Variants in GLT8D2 observed in about 807,000 individuals in gnomAD.
GLT8D2 encodes the protein glycosyltransferase 8 domain-containing protein 2.
A neutral mutation model predicts 44.5 loss-of-function variants in GLT8D2; 45 were observed. The observed-to-expected ratio is 1.01, with a 90% CI of 0.80 to 1.30. The LOEUF (loss-of-function observed/expected upper bound fraction) is 1.30. Ranked by LOEUF, GLT8D2 falls within the 50% of genes most tolerant of loss-of-function variation. The probability of loss-of-function intolerance (pLI) is 0.00; values close to 1 mark genes in which losing one functional copy is unlikely to be tolerated. For missense variants in GLT8D2, 400 were observed against 430.4 expected (o/e 0.93, Z 0.62); for synonymous variants, 156 against 157.2 (o/e 0.99, Z 0.06).
At chr12:104,052,714 G>T (rs1157104131), upstream of GLT8D2, among the ~76,000 whole-genome samples, 1 of 151,936 alleles carries the variant, frequency 6.6e-6, no homozygotes, top group East Asian at 1.9e-4. Flanking sequence ...TTGACATGAT[G>T]CCCCTCCTCT....
rs57782909 is a variant in GLT8D2 at position 104,002,558 on chromosome 12, A to G, written c.284+577T>C. Among the ~76,000 whole-genome samples the G allele has an allele frequency of 8.6e-3, 1,313 of 152,322 alleles. 21 individuals carry two copies. The highest frequency in any genetic ancestry group is 0.03 in the African/African-American group (1,232 of 41,554). Reference sequence around the variant, plus strand: ...GACACTCTCCAAACCAAGATTTTACAATTATCTTTCATTTTTATAATATGT... The same window carrying G: ...GACACTCTCCAAACCAAGATTTTACGATTATCTTTCATTTTTATAATATGT... On this transcript the variant is annotated intron_variant, in intron 5 of 10. Transcript: ENST00000360814.
intron 4 of GLT8D2, among the ~76,000 whole-genome samples, chr12:104,006,458 G>T (rs529495287): frequency 1.6e-4 from 24 of 152,162 alleles, no homozygotes; most frequent in Non-Finnish European, 3.2e-4. Flanking sequence ...TGCAGAACAA[G>T]CTTGCTGATG....
chr12:104,014,758 AC>A (rs1876335180), intron 4 of GLT8D2, among the ~76,000 whole-genome samples: 2 of 152,088 alleles, frequency 1.3e-5, no homozygotes, highest in South Asian at 4.1e-4. Flanking sequence ...CTGATCCTAC[AC>A]CTCACGGGTG....
At chr12:104,041,104 TA>T (rs34069775) in intron 1 of GLT8D2, among the ~76,000 whole-genome samples, 3 of 151,546 alleles carry the variant, frequency 2.0e-5, no homozygotes, top group African/African-American at 7.3e-5. Flanking sequence ...CCGTCTCTAC[TA>T]AAAATACAAA....
At chr12:104,058,183 A>G (rs1450627891) in intron 1 of GLT8D2, among the ~76,000 whole-genome samples, 1 of 152,178 alleles carries the variant, frequency 6.6e-6, no homozygotes, top group African/African-American at 2.4e-5. Flanking sequence ...AGGCTGGGAC[A>G]AGTCTCCTGC....
chr12:104,039,457 C>A (rs1880298233), intron 1 of GLT8D2, among the ~76,000 whole-genome samples: 1 of 151,066 alleles, frequency 6.6e-6, no homozygotes, highest in Admixed American at 6.6e-5. Flanking sequence ...AAGAAAAAAA[C>A]AAACAACCCC....
chr12:104,003,192 G>A lies in GLT8D2; in HGVS notation c.227C>T (p.Thr76Ile). ...TACATAGAACAAGATGTTGGCGTCA[G>A]TGTTGCTGTAGATGCTATTGATGGC... ...MAAINSIYSN[T>I]DANILFYVVG... Residue 76 changes from threonine (T) to isoleucine (I), a missense_variant, in exon 5 of 11, where the codon ACT becomes ATT. Thr to Ile is a moderately conservative substitution (Grantham distance 89). Coordinates refer to ENST00000360814, the MANE Select transcript of GLT8D2 (RefSeq NM_001384711.1). 6.2e-7 allele frequency: 1 copy of A among 1,614,136 alleles called. No homozygotes were observed. The highest frequency in any genetic ancestry group is 8.5e-7 in the Non-Finnish European group (1 of 1,179,980).
chr12:104,051,223 C>T (rs1206803200), upstream of GLT8D2, among the ~76,000 whole-genome samples: 2 of 151,688 alleles, frequency 1.3e-5, no homozygotes, highest in African/African-American at 2.4e-5. Context: ...AAGGTTCAGG[C>T]GATCCTCCCG....
At chr12:104,053,789 C>T (rs1323303266), upstream of GLT8D2, among the ~76,000 whole-genome samples, 1 of 151,724 alleles carries the variant, frequency 6.6e-6, no homozygotes, top group Admixed American at 6.6e-5. Context: ...GAGGCTGAGG[C>T]AGGAGAATGG....
chr12:104,000,496 G>A (rs1416457307), intron 5 of GLT8D2, among the ~76,000 whole-genome samples: 1 of 152,104 alleles, frequency 6.6e-6, no homozygotes, highest in Non-Finnish European at 1.5e-5. Context: ...ACTGCACACT[G>A]GATTTATACA....
At chr12:103,990,108 T>C (rs1872556090) in intron 10 of GLT8D2, among the ~76,000 whole-genome samples, 1 of 89,216 alleles carries the variant, frequency 1.1e-5, no homozygotes, top group Non-Finnish European at 2.3e-5. Context: ...TATATATATA[T>C]ATATATATAT....
intron 4 of GLT8D2, among the ~76,000 whole-genome samples, chr12:104,005,784 G>A (rs1381523817): frequency 6.6e-6 from 1 of 152,176 alleles, no homozygotes. Context: ...CACTGTTGGT[G>A]GAACTGTAAA....
chr12:103,999,216 C>G (rs1873884432), intron 6 of GLT8D2, 181 bp downstream of exon 6: 3 of 550,654 alleles, frequency 5.4e-6, no homozygotes, highest in Non-Finnish European at 9.8e-6. Context: ...CTTCTATAAA[C>G]CATCTTAAAT....
chr12:104,063,472 GGAGCTC>G (rs1424734147), intron 1 of GLT8D2, among the ~76,000 whole-genome samples: 1 of 152,198 alleles, frequency 6.6e-6, no homozygotes, highest in Admixed American at 6.5e-5. Flanking sequence ...CTGGAGCCCA[GGAGCTC>G]GAGCTTGCAG....
At chr12:104,027,978 A>T (rs1039103977) in intron 1 of GLT8D2, among the ~76,000 whole-genome samples, 4 of 152,182 alleles carry the variant, frequency 2.6e-5, no homozygotes, top group African/African-American at 9.7e-5. Flanking sequence ...CTCTTTCCTG[A>T]GTGCTCGGTT....
intron 1 of GLT8D2, among the ~76,000 whole-genome samples, chr12:104,032,920 C>T (rs1879485448): frequency 6.7e-6 from 1 of 149,670 alleles, no homozygotes; most frequent in Non-Finnish European, 1.5e-5. Flanking sequence ...TATATCGTCA[C>T]CTGGGCTGGA....
At chr12:104,016,763 GAAA>G (rs1566199583) in intron 3 of GLT8D2, among the ~76,000 whole-genome samples, 15 of 93,260 alleles carry the variant, frequency 1.6e-4, no homozygotes, top group African/African-American at 5.9e-4. Flanking sequence ...AAGAAAGAAA[GAAA>G]GAAAGAAAGA....
chr12:103,991,639 T>C (rs1872746785), intron 10 of GLT8D2, among the ~76,000 whole-genome samples: 1 of 152,204 alleles, frequency 6.6e-6, no homozygotes, highest in African/African-American at 2.4e-5. Flanking sequence ...GAAAGGTTGA[T>C]ATTTGACCTA....
At chr12:104,009,739 A>G (rs899911646) in intron 4 of GLT8D2, among the ~76,000 whole-genome samples, 13 of 152,194 alleles carry the variant, frequency 8.5e-5, no homozygotes, top group Non-Finnish European at 2.9e-5. Context: ...GTGGGAGATG[A>G]TGTGAATCAT....
Sources: allele counts gnomAD v4.1 joint callset (sites outside exome capture counted in the v4.1 genomes callset), GRCh38; gene constraint gnomAD v4.1.1; transcripts MANE v1.5; gene names NCBI Gene and HGNC (gene_info 2026-07-23, HGNC 2026-07-21).